Variants in PKIB observed in about 807,000 individuals in gnomAD.
PKIB encodes PKI-beta.
In PKIB, 2 loss-of-function variants were observed where a neutral mutation model predicts 4.5. The ratio of observed to expected loss-of-function variants is 0.44; its 90% CI spans 0.18 to 1.39. The LOEUF (loss-of-function observed/expected upper bound fraction) is 1.39, where lower values mean the gene tolerates loss of function less well. Among genes scored for constraint, PKIB ranks in the 40% most tolerant of loss-of-function variants. The probability of loss-of-function intolerance (pLI) is 0.27; values close to 1 mark genes in which losing one functional copy is unlikely to be tolerated. For synonymous variants in PKIB, 38 were observed against 36.0 expected, an observed-to-expected ratio of 1.06 and a Z score of -0.20; for missense variants, 94 against 92.6, an observed-to-expected ratio of 1.02 and a Z score of -0.06.
intron 1 of PKIB, among the ~76,000 whole-genome samples, chr6:122,617,954 C>T (rs1329162348): frequency 6.6e-6 from 1 of 151,914 alleles, no homozygotes; most frequent in Non-Finnish European, 1.5e-5. Flanking sequence ...ACATTTCTTC[C>T]TCTTAAAATT....
intron 2 of PKIB, among the ~76,000 whole-genome samples, chr6:122,534,449 G>A (rs1777346442): frequency 6.6e-6 from 1 of 151,954 alleles, no homozygotes; most frequent in Non-Finnish European, 1.5e-5. Flanking sequence ...GAGATTTCAA[G>A]TTCTGAGTAT....
intron 3 of PKIB, among the ~76,000 whole-genome samples, chr6:122,679,263 AATGGAG>A (rs2114968752): frequency 6.6e-6 from 1 of 152,166 alleles, no homozygotes; most frequent in Admixed American, 6.5e-5. Flanking sequence ...ATAAGTCCTG[AATGGAG>A]GGTAGTTTAT....
At chr6:122,605,782 A>G (rs772838455), upstream of PKIB, among the ~76,000 whole-genome samples, 15 of 151,970 alleles carry the variant, frequency 9.9e-5, no homozygotes, top group Non-Finnish European at 2.2e-4. Context: ...GCAGATAGCT[A>G]CTCTCAGGGG....
At chr6:122,607,974 T>G (rs925226336), upstream of PKIB, among the ~76,000 whole-genome samples, 1 of 152,212 alleles carries the variant, frequency 6.6e-6, no homozygotes, top group Non-Finnish European at 1.5e-5. Flanking sequence ...CTCACTCCTT[T>G]TTTCATTCTG....
chr6:122,652,213 C>T (rs1233359383), intron 2 of PKIB, among the ~76,000 whole-genome samples: 1 of 151,566 alleles, frequency 6.6e-6, no homozygotes, highest in South Asian at 2.1e-4. Flanking sequence ...TCTGACATAA[C>T]TTTAGGTGCA....
intron 2 of PKIB, among the ~76,000 whole-genome samples, chr6:122,636,051 A>G (rs1169650889): frequency 6.6e-6 from 1 of 152,140 alleles, no homozygotes; most frequent in African/African-American, 2.4e-5. Context: ...TACAAATATT[A>G]ACTCATTTAA....
rs1278674206 is a variant in PKIB, at chr6:122,726,142, G to A, written c.*947G>A. The A allele has an allele frequency of 2.0e-5, 3 of 151,712 alleles. No individual in the cohort carries two copies. The highest frequency in any genetic ancestry group is 2.0e-4 in the Admixed American group (3 of 15,230). The allele number at this position is 151,712 out of a possible 1,614,324, so 9.4% of individuals were successfully genotyped here. On this transcript the variant is annotated 3_prime_UTR_variant, in exon 5 of 5. Coordinates refer to ENST00000368452, the MANE Select transcript of PKIB (RefSeq NM_181795.3). ...ATACATCCTTTAAATATATATCTAAGCATATATTTTAAAAGGAGCAAAAAT... is the reference window on the plus strand; with the variant it reads ...ATACATCCTTTAAATATATATCTAAACATATATTTTAAAAGGAGCAAAAAT...
intron 1 of PKIB, among the ~76,000 whole-genome samples, chr6:122,623,929 T>C (rs1385655921): frequency 6.6e-6 from 1 of 152,124 alleles, no homozygotes; most frequent in African/African-American, 2.4e-5. Flanking sequence ...CTAAAACATA[T>C]TAAACACAAT....
At chr6:122,682,969 C>T (rs1777958739) in intron 3 of PKIB, among the ~76,000 whole-genome samples, 1 of 152,166 alleles carries the variant, frequency 6.6e-6, no homozygotes, top group South Asian at 2.1e-4. Context: ...TGGGCCCATT[C>T]ACAAGGGTCC....
At chr6:122,482,743 G>T (rs1444743295) in intron 2 of PKIB, 2 of 152,142 alleles carry the variant, frequency 1.3e-5, no homozygotes, top group African/African-American at 4.8e-5. Flanking sequence ...TAGAGACGGG[G>T]TTTCACCAAG....
intron 2 of PKIB, among the ~76,000 whole-genome samples, chr6:122,660,775 G>A (rs1191781908): frequency 6.6e-6 from 1 of 152,120 alleles, no homozygotes; most frequent in Non-Finnish European, 1.5e-5. Flanking sequence ...GGAAATGTGT[G>A]ATTTCTTCAA....
chr6:122,602,890 A>T (rs922083589), intron 3 of PKIB, among the ~76,000 whole-genome samples: 1 of 151,278 alleles, frequency 6.6e-6, no homozygotes, highest in Non-Finnish European at 1.5e-5. Context: ...CAGGAGGCAG[A>T]AGTTGCAGCG....
chr6:122,611,345 A>G (rs1582736003), intron 1 of PKIB, among the ~76,000 whole-genome samples: 1 of 152,200 alleles, frequency 6.6e-6, no homozygotes, highest in East Asian at 1.9e-4. Context: ...AACGCAGCCA[A>G]CGGAACTCGG....
intron 1 of PKIB, among the ~76,000 whole-genome samples, chr6:122,615,142 A>C (rs532165574): frequency 6.6e-6 from 1 of 152,190 alleles, no homozygotes; most frequent in Non-Finnish European, 1.5e-5. Flanking sequence ...AAGGGTGTCT[A>C]TGATAATTCT....
Position 122,725,231 on chromosome 6 carries a change from A to G in PKIB, c.*36A>G, listed in dbSNP as rs1430184340. On this transcript the variant is annotated 3_prime_UTR_variant, in exon 5 of 5. Coordinates refer to ENST00000368452, the MANE Select transcript of PKIB (RefSeq NM_181795.3). ...TCTATCAAGAGTGCTGAATTTCTGC[A>G]TGTTGAAAGACTTAGTGGTTCTGTT... is the stretch of plus-strand genomic sequence containing the variant. 25 of 1,528,586 alleles carry G rather than the reference A, an allele frequency of 1.6e-5. No individual in the cohort carries two copies. Among genetic ancestry groups the G allele is most frequent in the Non-Finnish European group, 2.2e-5 (25 of 1,115,260 alleles). 94.7% of individuals were successfully genotyped at this position (1,528,586 alleles called of 1,614,324 possible). A position where few individuals can be genotyped will look rare whatever the true frequency, so the allele number is the denominator to read the frequency against.
intron 2 of PKIB, among the ~76,000 whole-genome samples, chr6:122,661,170 C>T (rs918287664): frequency 6.6e-5 from 10 of 152,154 alleles, no homozygotes; most frequent in African/African-American, 2.4e-4. Flanking sequence ...CCAGCACTAA[C>T]ATCCTCTGAG....
At chr6:122,486,100 A>T (rs1245640270) in intron 2 of PKIB, among the ~76,000 whole-genome samples, 2 of 152,184 alleles carry the variant, frequency 1.3e-5, no homozygotes, top group South Asian at 4.1e-4. Context: ...ATAAAAATAA[A>T]AACAAATGTA....
chr6:122,576,689 A>AAAAATATATATAT (rs1345822382), intron 2 of PKIB, among the ~76,000 whole-genome samples: 16 of 34,304 alleles, frequency 4.7e-4, no homozygotes, highest in East Asian at 1.1e-3. Flanking sequence ...AAAAAAAAAA[A>AAAAATATATATAT]ATATATATAT....
intron 2 of PKIB, among the ~76,000 whole-genome samples, chr6:122,652,331 TGTGGAG>T (rs1177643397): frequency 3.4e-4 from 17 of 50,316 alleles, no homozygotes; most frequent in African/African-American, 5.2e-4. Context: ...TGTGTGTGTG[TGTGGAG>T]AGAGAGAGAT....
Sources: gnomAD v4.1 joint callset for allele counts (sites outside exome capture counted in the v4.1 genomes callset) on GRCh38, gnomAD v4.1.1 for gene constraint, MANE v1.5 for transcripts, NCBI Gene and HGNC (gene_info 2026-07-23, HGNC 2026-07-21) for gene names.